MYOCD: variants seen among roughly 807,000 people sequenced by gnomAD.
MYOCD encodes myocardin.
A neutral mutation model predicts 96.1 loss-of-function variants in MYOCD; 32 were observed. The observed-to-expected ratio is 0.33, with a 90% CI of 0.25 to 0.45. The LOEUF (loss-of-function observed/expected upper bound fraction) is 0.45. MYOCD is among the 20% of genes least tolerant of loss of function. The probability of loss-of-function intolerance (pLI) is 1.00; values close to 1 mark genes in which losing one functional copy is unlikely to be tolerated. For missense variants in MYOCD, 1,133 were observed against 1,200.6 expected, an observed-to-expected ratio of 0.94 and a Z score of 0.83; for synonymous variants, 469 against 469.0, an observed-to-expected ratio of 1.00 and a Z score of 0.00.
intron 1 of MYOCD, among the ~76,000 whole-genome samples, chr17:12,667,478 G>A (rs1221079391): frequency 6.6e-6 from 1 of 152,200 alleles, no homozygotes; most frequent in Non-Finnish European, 1.5e-5. Flanking sequence ...GGTGAGGTGA[G>A]GCGGTTGATC....
intron 7 of MYOCD, among the ~76,000 whole-genome samples, chr17:12,743,897 G>A (rs551816269): frequency 1.3e-5 from 2 of 152,254 alleles, no homozygotes; most frequent in Admixed American, 1.3e-4. Flanking sequence ...TTGAAACACA[G>A]GATTACATTT....
chr17:12,753,099 C>T lies in MYOCD; in HGVS notation c.1811C>T (p.Ala604Val). The T allele has an allele frequency of 1.2e-6, 2 of 1,614,206 alleles. No individual in the cohort carries two copies. Among genetic ancestry groups the T allele is most frequent in the Non-Finnish European group, 8.5e-7 (1 of 1,180,034 alleles). The change falls in exon 10 of 14, where the codon GCT (alanine) becomes GTT (valine). Residue 604 changes from alanine to valine, a missense_variant. Ala to Val is a moderately conservative substitution (Grantham distance 64). Transcript: ENST00000425538. ...TGTCACCCACCGGCTTGTGAAGCTG[C>T]TCAACTCCAGCCTCTTGGAAATGCT... ...SECHPPACEA[A>V]QLQPLGNAHC...
At chr17:12,688,576 C>T (rs1349701028) in intron 1 of MYOCD, among the ~76,000 whole-genome samples, 22 of 145,622 alleles carry the variant, frequency 1.5e-4, no homozygotes, top group South Asian at 9.1e-4. Context: ...CCTTCCATCT[C>T]CGTCCCTCCT....
chr17:12,718,751 T>A lies in MYOCD; in HGVS notation c.253+1330T>A, dbSNP rs867214246. On this transcript the variant is annotated intron_variant, in intron 4 of 13. Coordinates refer to ENST00000425538, the MANE Select transcript of MYOCD (RefSeq NM_001146312.3). ...CAGGTGTCTGGAAAACAGAAAAAAGTCCCTCAAAGGGAGGTGACAGAATTC... is the reference window on the plus strand; with the variant it reads ...CAGGTGTCTGGAAAACAGAAAAAAGACCCTCAAAGGGAGGTGACAGAATTC... 3.3e-5 allele frequency among the ~76,000 whole-genome samples: 5 copies of A among 152,244 alleles called. No individual in the cohort carries two copies. The Middle Eastern group carries it at 0.01, about 311-fold the overall frequency.
intron 3 of MYOCD, among the ~76,000 whole-genome samples, chr17:12,716,373 C>T (rs2031640347): frequency 6.6e-6 from 1 of 152,152 alleles, no homozygotes; most frequent in African/African-American, 2.4e-5. Context: ...CAGGGGGCCA[C>T]TGGGAGATCC....
chr17:12,717,485 T>C (rs2031684581), intron 4 of MYOCD, 64 bp downstream of exon 4: 1 of 1,327,396 alleles, frequency 7.5e-7, no homozygotes. Context: ...TTCCCAGAGT[T>C]ACTTGTCTCT....
chr17:12,753,265 C>T lies in MYOCD; in HGVS notation c.1977C>T (p.His659=), dbSNP rs764021396. The change falls in exon 10 of 14, where the codon CAC becomes CAT. Residue 659 remains histidine (H), a synonymous_variant. Coordinates refer to ENST00000425538, the MANE Select transcript of MYOCD (RefSeq NM_001146312.3). ...TGCCCCCATCACCCAACAACCCTCACTTTCTGCCCTCATCCTCCGGGGCCC... is the reference window on the plus strand; with the variant it reads ...TGCCCCCATCACCCAACAACCCTCATTTTCTGCCCTCATCCTCCGGGGCCC... ...ISLPPSPNNP[H]FLPSSSGAQG... 7.4e-5 allele frequency: 119 copies of T among 1,614,158 alleles called. 1 individual carries two copies. The East Asian group carries it at 2.6e-3, about 35-fold the overall frequency.
chr17:12,750,825 C>A (rs573326901), intron 9 of MYOCD, among the ~76,000 whole-genome samples: 1 of 152,156 alleles, frequency 6.6e-6, no homozygotes, highest in Non-Finnish European at 1.5e-5. Flanking sequence ...GATATACATA[C>A]ATTACTGTCC....
At chr17:12,754,634 C>T (rs2032962346) in intron 10 of MYOCD, among the ~76,000 whole-genome samples, 1 of 152,188 alleles carries the variant, frequency 6.6e-6, no homozygotes, top group Admixed American at 6.6e-5. Flanking sequence ...GACTCACTAA[C>T]TCAAAGACTA....
intron 2 of MYOCD, among the ~76,000 whole-genome samples, chr17:12,712,021 T>G (rs974965564): frequency 1.3e-5 from 2 of 151,366 alleles, no homozygotes; most frequent in Non-Finnish European, 2.9e-5. Context: ...CCGCCTGGGT[T>G]CCAGCTAATT....
intron 5 of MYOCD, among the ~76,000 whole-genome samples, chr17:12,723,356 G>A (rs1390600814): frequency 6.6e-6 from 1 of 152,148 alleles, no homozygotes; most frequent in African/African-American, 2.4e-5. Context: ...AAGAGAGGTA[G>A]ACTGTATCAG....
chr17:12,690,882 A>G (rs771514684), intron 1 of MYOCD, among the ~76,000 whole-genome samples: 6 of 152,318 alleles, frequency 3.9e-5, no homozygotes, highest in South Asian at 2.1e-4. Context: ...GTCAAAAGCA[A>G]TAGCTATTTA....
intron 1 of MYOCD, among the ~76,000 whole-genome samples, chr17:12,683,479 C>G (rs975838964): frequency 6.6e-6 from 1 of 151,988 alleles, no homozygotes; most frequent in Non-Finnish European, 1.5e-5. Flanking sequence ...TCTCTCTCTC[C>G]CGCTCCTTCT....
intron 1 of MYOCD, among the ~76,000 whole-genome samples, chr17:12,682,729 T>C (rs1910551402): frequency 6.6e-6 from 1 of 152,176 alleles, no homozygotes; most frequent in East Asian, 1.9e-4. Context: ...GCCATGTGCA[T>C]TCTGTCAGAA....
Position 12,763,535 on chromosome 17 carries a change from G to A in MYOCD, c.2852G>A (p.Gly951Asp). Reference sequence around the variant, plus strand: ...CTCACTCCGCCAAATTCCACACCAGGCTTTAGCGCCCTCACCACCAGCAGC... The same window carrying A: ...CTCACTCCGCCAAATTCCACACCAGACTTTAGCGCCCTCACCACCAGCAGC... The part of the protein sequence containing the change: ...LDLTPPNSTP[G>D]FSALTTSSPS... Residue 951 changes from glycine (G) to aspartate (D), a missense_variant, in exon 14 of 14, where the codon GGC becomes GAC. By Grantham distance (94) the Gly-to-Asp change is moderately conservative. Transcript: ENST00000425538. 3 of 1,614,148 alleles carry A rather than the reference G, an allele frequency of 1.9e-6. No individual in the cohort carries two copies. The highest frequency in any genetic ancestry group is 2.5e-6 in the Non-Finnish European group (3 of 1,180,044).
chr17:12,756,293 A>C, intron 10 of MYOCD, 121 bp from the exon 11 acceptor site: 1 of 1,182,120 alleles, frequency 8.5e-7, no homozygotes, highest in East Asian at 2.6e-5. Flanking sequence ...TGGTAATGGA[A>C]TTTAGGAAGG....
At chr17:12,753,874 A>C (rs898853006) in intron 10 of MYOCD, among the ~76,000 whole-genome samples, 2 of 152,204 alleles carry the variant, frequency 1.3e-5, no homozygotes, top group East Asian at 3.9e-4. Context: ...TGCATAGTGC[A>C]AACATTTACT....
chr17:12,676,239 GCGCACGCA>G (rs1205286693), intron 1 of MYOCD, among the ~76,000 whole-genome samples: 2 of 104,880 alleles, frequency 1.9e-5, no homozygotes, highest in Non-Finnish European at 4.1e-5. Flanking sequence ...CCCCCTGCGC[GCGCACGCA>G]CACACACACA....
intron 2 of MYOCD, 90 bp from the exon 3 acceptor site, chr17:12,715,429 C>A: frequency 9.1e-7 from 1 of 1,103,352 alleles, no homozygotes; most frequent in Non-Finnish European, 1.4e-6. Flanking sequence ...CCCTACTGTG[C>A]ATAGCTCAGC....
Sources: allele counts gnomAD v4.1 joint callset (sites outside exome capture counted in the v4.1 genomes callset), GRCh38; gene constraint gnomAD v4.1.1; transcripts MANE v1.5; gene names NCBI Gene and HGNC (gene_info 2026-07-23, HGNC 2026-07-21).